TTBK2: variants seen among roughly 807,000 people sequenced by gnomAD.
TTBK2 encodes the protein tau tubulin kinase 2.
TTBK2 carries 28 observed loss-of-function variants against 110.8 expected under a neutral mutation model. The observed-to-expected ratio is 0.25, with a 90% CI of 0.19 to 0.35. The LOEUF (loss-of-function observed/expected upper bound fraction) is 0.35. Among genes scored for constraint, TTBK2 ranks in the 10% least tolerant of loss-of-function variants. The pLI is 1.00. For missense variants in TTBK2, 1,369 were observed against 1,500.3 expected (o/e 0.91, Z 1.45); for synonymous variants, 532 against 527.3 (o/e 1.01, Z -0.12).
chr15:42,770,005 G>A (rs991656702), intron 13 of TTBK2, among the ~76,000 whole-genome samples: 4 of 149,228 alleles, frequency 2.7e-5, no homozygotes, highest in African/African-American at 9.9e-5. Flanking sequence ...CACAAGGACA[G>A]AAAACCAAAC....
intron 6 of TTBK2, among the ~76,000 whole-genome samples, chr15:42,819,671 A>T (rs1444153034): frequency 6.6e-6 from 1 of 152,242 alleles, no homozygotes; most frequent in Non-Finnish European, 1.5e-5. Context: ...TTCCTAAGAC[A>T]TCATGATTAA....
At chr15:42,846,871 G>A (rs1376357749) in intron 3 of TTBK2, among the ~76,000 whole-genome samples, 2 of 152,182 alleles carry the variant, frequency 1.3e-5, no homozygotes, top group Non-Finnish European at 2.9e-5. Context: ...ACAATGAGAT[G>A]TGTGAGCTTC....
In TTBK2 at chr15:42,914,506, G is replaced by C. The variant is rs200316040; in HGVS notation, c.-68+5932C>G. 5.9e-5 allele frequency among the ~76,000 whole-genome samples: 9 copies of C among 152,244 alleles called. No individual in the cohort carries two copies. The East Asian group carries it at 1.7e-3, about 29-fold the overall frequency. ...TAAGTTCTCATGGTTCAAACAGAGAGTGTAAAACCATAACATAGGAACTCT... is the reference window on the plus strand; with the variant it reads ...TAAGTTCTCATGGTTCAAACAGAGACTGTAAAACCATAACATAGGAACTCT... On this transcript the variant is annotated intron_variant, in intron 1 of 14. Coordinates refer to ENST00000267890, the MANE Select transcript of TTBK2 (RefSeq NM_173500.4).
chr15:42,875,835 G>A lies in TTBK2; in HGVS notation c.69+2714C>T, dbSNP rs983152531. 4.6e-5 allele frequency among the ~76,000 whole-genome samples: 7 copies of A among 151,356 alleles called. No individual in the cohort carries two copies. The East Asian group carries it at 1.4e-3, about 29-fold the overall frequency. ...GCAGGAGAGTCGCTTGAACCCGGGA[G>A]GCGCAGGCTGCAGTGAGCTGAGATC... On this transcript the variant is annotated intron_variant, in intron 2 of 14. Coordinates refer to ENST00000267890, the MANE Select transcript of TTBK2 (RefSeq NM_173500.4).
rs1280516439 is a variant in TTBK2 at position 42,752,074 on chromosome 15, A to G, written c.3172T>C (p.Ser1058Pro). 33 of 1,614,082 alleles carry G rather than the reference A, an allele frequency of 2.0e-5. No individual in the cohort carries two copies. The highest frequency in any genetic ancestry group is 2.8e-5 in the Non-Finnish European group (33 of 1,180,036). ...SRKSKIPRPV[S>P]WVNTDQVNSS... is the part of the protein sequence containing the mutation. ...TTGACCTGATCTGTGTTGACCCATG[A>G]AACTGGCCTTGGAATTTTGCTCTTT... The change falls in exon 14 of 15, where the codon TCA becomes CCA. Residue 1058 changes from serine to proline, a missense_variant. By Grantham distance (74) the Ser-to-Pro change is moderately conservative. Around this residue, in one of 4 missense-constraint regions of TTBK2, gnomAD observed 1,097 missense variants for 1,114.7 expected, o/e 0.98. Coordinates refer to ENST00000267890, the MANE Select transcript of TTBK2 (RefSeq NM_173500.4).
intron 3 of TTBK2, 135 bp from the exon 4 acceptor site, chr15:42,840,568 T>C (rs759085337): frequency 1.1e-5 from 9 of 855,956 alleles, no homozygotes; most frequent in Middle Eastern, 2.2e-4. Context: ...AGAAAACTTA[T>C]ATTATTCAAA....
chr15:42,816,081 A>ATATATATATATATAT (rs1891995255), intron 7 of TTBK2, among the ~76,000 whole-genome samples: 1 of 60,298 alleles, frequency 1.7e-5, no homozygotes, highest in Non-Finnish European at 2.7e-5. Context: ...AAAATAAATA[A>ATATATATATATATAT]ATAAATATAT....
chr15:42,815,444 CT>C (rs1277241987), intron 7 of TTBK2, among the ~76,000 whole-genome samples: 1 of 152,118 alleles, frequency 6.6e-6, no homozygotes, highest in Non-Finnish European at 1.5e-5. Flanking sequence ...ACAAGAAATA[CT>C]TTTTTCCCTA....
intron 3 of TTBK2, chr15:42,857,442 C>T (rs1893987814): frequency 6.6e-6 from 1 of 151,940 alleles, no homozygotes; most frequent in South Asian, 2.1e-4. Flanking sequence ...ATTGCCTGAG[C>T]CCAGGAGTTC....
chr15:42,789,666 G>A (rs573424291), intron 10 of TTBK2, among the ~76,000 whole-genome samples: 19 of 152,160 alleles, frequency 1.2e-4, no homozygotes, highest in Admixed American at 9.8e-4. Flanking sequence ...TCCAGGAGGC[G>A]GAGGTTGCAG....
In TTBK2 at chr15:42,878,700, C is replaced by A. The variant is rs1894922214; in HGVS notation, c.-67-16G>T. The A allele has an allele frequency of 1.2e-5, 20 of 1,608,896 alleles. No individual in the cohort carries two copies. The highest frequency in any genetic ancestry group is 1.7e-5 in the Admixed American group (1 of 59,634). On this transcript the variant is annotated splice_polypyrimidine_tract_variant and intron_variant, in intron 1 of 14. Coordinates refer to ENST00000267890, the MANE Select transcript of TTBK2 (RefSeq NM_173500.4). The stretch of plus-strand genomic sequence containing the variant: ...TCCATTTAACCTAAAACAACAACAA[C>A]AAAAAATAGTAGCAGTATTTAGGGT...
rs1408365209 is a variant in TTBK2 at position 42,752,172 on chromosome 15, C to T, written c.3074G>A (p.Arg1025Lys). The change falls in exon 14 of 15, where the codon AGA (arginine) becomes AAA (lysine). Residue 1025 changes from arginine (R) to lysine (K), a missense_variant. Physicochemically the swap from Arg to Lys is conservative, Grantham distance 26. This residue lies in a region of TTBK2 where 1,097 missense variants were observed against 1,114.7 expected (regional missense o/e 0.98). Transcript: ENST00000267890. ...ACTCAGGTGAGAATCTACTGTCAGTCTTGAAAAGGGAGTGAGCACTTCCTC... is the reference window on the plus strand; with the variant it reads ...ACTCAGGTGAGAATCTACTGTCAGTTTTGAAAAGGGAGTGAGCACTTCCTC... ...CEEEVLTPFSRLTVDSHLSRS... is the reference protein window; with the variant it reads ...CEEEVLTPFSKLTVDSHLSRS... 5.0e-6 allele frequency: 8 copies of T among 1,614,062 alleles called. No individual in the cohort carries two copies. Among genetic ancestry groups the T allele is most frequent in the Non-Finnish European group, 6.8e-6 (8 of 1,180,046 alleles).
intron 2 of TTBK2, among the ~76,000 whole-genome samples, chr15:42,877,250 C>G (rs1302888524): frequency 6.6e-6 from 1 of 151,996 alleles, no homozygotes; most frequent in African/African-American, 2.4e-5. Flanking sequence ...GACAGACGGA[C>G]AATAAGATAT....
chr15:42,865,588 T>C (rs1449036195), intron 3 of TTBK2, among the ~76,000 whole-genome samples: 1 of 150,684 alleles, frequency 6.6e-6, no homozygotes, highest in African/African-American at 2.4e-5. Flanking sequence ...TTTGTGAGGC[T>C]GAGGCAGGAG....
chr15:42,905,239 G>A (rs1228564892), intron 1 of TTBK2, among the ~76,000 whole-genome samples: 1 of 151,986 alleles, frequency 6.6e-6, no homozygotes, highest in Non-Finnish European at 1.5e-5. Context: ...AGATAAAGTA[G>A]AACAAAAATA....
intron 13 of TTBK2, among the ~76,000 whole-genome samples, chr15:42,771,690 CTT>C (rs1889685311): frequency 6.6e-6 from 1 of 152,216 alleles, no homozygotes; most frequent in South Asian, 2.1e-4. Flanking sequence ...TACTGCTACT[CTT>C]TTTCTTTTGG....
chr15:42,775,336 C>A lies in TTBK2; in HGVS notation c.1797G>T (p.Gln599His), dbSNP rs994405586. The change falls in exon 13 of 15, where the codon CAG becomes CAT. Residue 599 changes from glutamine to histidine, a missense_variant. Gln to His is a conservative substitution (Grantham distance 24). This residue lies in a region of TTBK2 where 1,097 missense variants were observed against 1,114.7 expected (regional missense o/e 0.98). Coordinates refer to ENST00000267890, the MANE Select transcript of TTBK2 (RefSeq NM_173500.4). Reference protein sequence around the residue: ...LEASPQDEKLQLGPWAENDHL... With the variant: ...LEASPQDEKLHLGPWAENDHL... ...GATCATTTTCTGCCCAAGGACCTAACTGGAGCTTTTCATCTTGAGGTGATG... is the reference window on the plus strand; with the variant it reads ...GATCATTTTCTGCCCAAGGACCTAAATGGAGCTTTTCATCTTGAGGTGATG... 6.2e-7 allele frequency: 1 copy of A among 1,614,236 alleles called. No individual in the cohort carries two copies. Among genetic ancestry groups the A allele is most frequent in the East Asian group, 2.2e-5 (1 of 44,892 alleles).
chr15:42,827,289 A>T (rs1282841035), intron 6 of TTBK2, among the ~76,000 whole-genome samples: 1 of 152,200 alleles, frequency 6.6e-6, no homozygotes, highest in Non-Finnish European at 1.5e-5. Flanking sequence ...TAAACAAAAA[A>T]TAACAACAAG....
intron 3 of TTBK2, among the ~76,000 whole-genome samples, chr15:42,860,395 T>C (rs1026768090): frequency 2.6e-5 from 4 of 152,000 alleles, no homozygotes; most frequent in Admixed American, 2.6e-4. Flanking sequence ...GAAAAAATTC[T>C]GAATGAAGCT....
Sources: gnomAD v4.1 joint callset for allele counts (sites outside exome capture counted in the v4.1 genomes callset) on GRCh38, gnomAD v4.1.1 for gene constraint, gnomAD v4.1.1 regional missense constraint, MANE v1.5 for transcripts, NCBI Gene and HGNC (gene_info 2026-07-23, HGNC 2026-07-21) for gene names.